The following ARHGEF4 variants were observed in gnomAD, a reference collection of about 807,000 sequenced individuals.
ARHGEF4 encodes the protein Rho guanine nucleotide exchange factor 4.
In ARHGEF4, 119 loss-of-function variants were observed where a neutral mutation model predicts 162.0. The ratio of observed to expected loss-of-function variants is 0.73; its 90% CI spans 0.63 to 0.86. The LOEUF is 0.86. Among genes scored for constraint, ARHGEF4 ranks in the 40% least tolerant of loss-of-function variants. The pLI is 0.00. For missense variants in ARHGEF4, 2,488 were observed against 2,456.0 expected (o/e 1.01, Z -0.28); for synonymous variants, 1,014 against 979.9 (o/e 1.03, Z -0.65).
rs1689432699 is a variant in ARHGEF4 at position 131,025,681 on chromosome 2, C to T, written c.3986-2264C>T. ...GACATTACGACATTAACAAATAAGT[C>T]ATGGCTCCTGCCTTCAAGGAGCTCA... On this transcript the variant is annotated intron_variant, in intron 4 of 13. Transcript: ENST00000409359. Among the ~76,000 whole-genome samples, 4 of 152,218 alleles carry T rather than the reference C, an allele frequency of 2.6e-5. No individual in the cohort carries two copies. In the South Asian group the frequency reaches 8.3e-4, roughly 32 times the overall value.
intron 4 of ARHGEF4, among the ~76,000 whole-genome samples, chr2:130,979,752 A>AAC (rs1222326014): frequency 4.0e-5 from 6 of 150,282 alleles, no homozygotes; most frequent in Non-Finnish European, 5.9e-5. Context: ...AAAAAAAAAA[A>AAC]AAAACCTGAA....
In ARHGEF4 at chr2:131,044,434, G is replaced by A. The variant is rs373013920; in HGVS notation, c.5293G>A (p.Ala1765Thr). The A allele has an allele frequency of 2.5e-5, 39 of 1,563,420 alleles. No homozygotes were observed. The highest frequency in any genetic ancestry group is 7.6e-5 in the Admixed American group (4 of 52,812). The change falls in exon 12 of 14, where the codon GCC becomes ACC. Residue 1765 changes from alanine (A) to threonine (T), a missense_variant. Ala to Thr is a moderately conservative substitution (Grantham distance 58). Transcript: ENST00000409359. ...IKNAFRLHRG[A>T]TGDSHLLCTR... ...GAACGCCTTCCGGCTGCACCGTGGC[G>A]CCACAGGGGACAGCCACCTGCTGTG...
chr2:130,920,258 G>A (rs764945487), intron 2 of ARHGEF4, among the ~76,000 whole-genome samples: 6 of 152,152 alleles, frequency 3.9e-5, no homozygotes, highest in African/African-American at 1.2e-4. Context: ...CCAGGCATGC[G>A]CCACCACACC....
intron 2 of ARHGEF4, among the ~76,000 whole-genome samples, chr2:130,923,978 T>A (rs1234439816): frequency 6.6e-6 from 1 of 151,718 alleles, no homozygotes; most frequent in Non-Finnish European, 1.5e-5. Context: ...CCTCCCGGGT[T>A]CATGCCATTC....
intron 1 of ARHGEF4, among the ~76,000 whole-genome samples, chr2:130,896,059 A>G (rs1349326114): frequency 6.6e-6 from 1 of 152,084 alleles, no homozygotes; most frequent in Non-Finnish European, 1.5e-5. Flanking sequence ...TTATTTATTT[A>G]GGTATTTTGT....
At chr2:130,923,138 T>C (rs1248606905) in intron 2 of ARHGEF4, among the ~76,000 whole-genome samples, 1 of 152,100 alleles carries the variant, frequency 6.6e-6, no homozygotes, top group African/African-American at 2.4e-5. Flanking sequence ...CCATATTGGC[T>C]AGGGTGGTCT....
chr2:130,914,348 C>T lies in ARHGEF4; in HGVS notation c.402C>T (p.Ser134=), dbSNP rs1681366036. Residue 134 remains serine (S), a synonymous_variant, in exon 2 of 14, where the codon TCC becomes TCT. Transcript: ENST00000409359. ...GLHAKEELDL[S]PSLEDDSCKN... Reference sequence around the variant, plus strand: ...ATGCAAAGGAAGAACTCGATTTGTCCCCTAGCTTAGAGGATGACTCTTGCA... The same window carrying T: ...ATGCAAAGGAAGAACTCGATTTGTCTCCTAGCTTAGAGGATGACTCTTGCA... 4.8e-6 allele frequency: 7 copies of T among 1,462,578 alleles called. No individual in the cohort carries two copies. The highest frequency in any genetic ancestry group is 5.4e-6 in the Non-Finnish European group (6 of 1,112,528). The allele number at this position is 1,462,578 out of a possible 1,614,324, so 90.6% of individuals were successfully genotyped here. A position where few individuals can be genotyped will look rare whatever the true frequency, so the allele number is the denominator to read the frequency against.
intron 2 of ARHGEF4, among the ~76,000 whole-genome samples, chr2:130,929,053 C>T (rs1367000133): frequency 1.3e-5 from 2 of 152,164 alleles, no homozygotes; most frequent in Non-Finnish European, 2.9e-5. Context: ...TATGGTCTAT[C>T]TGTTGCTGCA....
At chr2:130,849,881 A>G (rs1345443386) in intron 1 of ARHGEF4, among the ~76,000 whole-genome samples, 2 of 152,198 alleles carry the variant, frequency 1.3e-5, no homozygotes, top group Admixed American at 6.5e-5. Flanking sequence ...ACACTTTTTA[A>G]AAAACGGTAT....
chr2:130,904,073 T>C (rs72992461), intron 1 of ARHGEF4, among the ~76,000 whole-genome samples: 1,655 of 152,336 alleles, frequency 0.011, 32 homozygotes, highest in African/African-American at 0.038. Context: ...GTTCTATTTT[T>C]AGTTGTTTGA....
intron 4 of ARHGEF4, among the ~76,000 whole-genome samples, chr2:130,997,020 A>G (rs1687434073): frequency 1.3e-5 from 2 of 152,352 alleles, no homozygotes. Flanking sequence ...GCTAACTGCC[A>G]TCTTATCTTT....
intron 1 of ARHGEF4, among the ~76,000 whole-genome samples, chr2:130,873,117 G>A (rs528407127): frequency 2.6e-5 from 4 of 152,306 alleles, no homozygotes; most frequent in Admixed American, 2.0e-4. Context: ...CAAAGTGCCC[G>A]GATTCAAACC....
chr2:131,043,768 C>T (rs976795116), intron 11 of ARHGEF4, 185 bp downstream of exon 11: 4 of 742,240 alleles, frequency 5.4e-6, no homozygotes, highest in African/African-American at 1.8e-5. Flanking sequence ...GAGCAGCAGG[C>T]GGCTTTCACA....
At position 131,026,783 on chromosome 2, in the gene ARHGEF4, G is replaced by A. The variant is rs151002215; in HGVS notation, c.3986-1162G>A. ...ATGTGGAGGGATGGAACATTCTTGC[G>A]CCGCTTTCAGGTTCTGGGAAACTAT... On this transcript the variant is annotated intron_variant, in intron 4 of 13. Coordinates refer to ENST00000409359, the MANE Select transcript of ARHGEF4 (RefSeq NM_001367493.1). Among the ~76,000 whole-genome samples the A allele has an allele frequency of 2.0e-4, 31 of 152,244 alleles. No individual in the cohort carries two copies. In the East Asian group the frequency reaches 2.7e-3, roughly 13 times the overall value.
At chr2:130,977,192 G>A (rs1235911560) in intron 4 of ARHGEF4, among the ~76,000 whole-genome samples, 3 of 151,628 alleles carry the variant, frequency 2.0e-5, no homozygotes, top group African/African-American at 7.3e-5. Context: ...TGTGTTTGTG[G>A]TGTGATATGG....
At position 131,038,930 on chromosome 2, in the gene ARHGEF4, C is replaced by G; in HGVS notation, c.4203C>G (p.Phe1401Leu). The G allele has an allele frequency of 6.2e-7, 1 of 1,613,668 alleles. No individual in the cohort carries two copies. Among genetic ancestry groups the G allele is most frequent in the Non-Finnish European group, 8.5e-7 (1 of 1,179,976 alleles). ...CCATGGACGACCAGGAGCTGGGCTT[C>G]AAAGCTGGGGACGTCATCGAAGTGA... is the stretch of plus-strand genomic sequence containing the variant. ...HVTMDDQELG[F>L]KAGDVIEVMD... Residue 1401 changes from phenylalanine (F) to leucine (L), a missense_variant, in exon 6 of 14, where the codon TTC becomes TTG. Phe to Leu is a conservative substitution (Grantham distance 22). Around this residue, in one of 6 missense-constraint regions of ARHGEF4, gnomAD observed 174 missense variants for 148.3 expected, o/e 1.17. Coordinates refer to ENST00000409359, the MANE Select transcript of ARHGEF4 (RefSeq NM_001367493.1).
Position 131,028,510 on chromosome 2 carries a change from A to G in ARHGEF4, c.4125+426A>G, listed in dbSNP as rs1689627563. 2.0e-5 allele frequency among the ~76,000 whole-genome samples: 3 copies of G among 152,216 alleles called. No individual in the cohort carries two copies. The South Asian group carries it at 6.2e-4, about 31-fold the overall frequency. On this transcript the variant is annotated intron_variant, in intron 5 of 13. Transcript: ENST00000409359. Reference sequence around the variant, plus strand: ...GGAAAAACCATTTTCTCTCCTGACAACAGGAGTTCAGAAGTATTGCTGTTG... The same window carrying G: ...GGAAAAACCATTTTCTCTCCTGACAGCAGGAGTTCAGAAGTATTGCTGTTG...
chr2:130,969,032 C>G (rs999462074), intron 4 of ARHGEF4, among the ~76,000 whole-genome samples: 6 of 152,158 alleles, frequency 3.9e-5, no homozygotes, highest in African/African-American at 1.4e-4. Flanking sequence ...TGCCTGCTCT[C>G]CCCTCTTAGA....
At chr2:130,890,741 G>C (rs961945560) in intron 1 of ARHGEF4, among the ~76,000 whole-genome samples, 2 of 151,998 alleles carry the variant, frequency 1.3e-5, no homozygotes, top group Non-Finnish European at 1.5e-5. Context: ...TAATTTTTAG[G>C]AGTTCTGTCT....
Sources: allele counts gnomAD v4.1 joint callset (sites outside exome capture counted in the v4.1 genomes callset), GRCh38; gene constraint gnomAD v4.1.1; regional missense constraint gnomAD v4.1.1; transcripts MANE v1.5; gene names NCBI Gene and HGNC (gene_info 2026-07-23, HGNC 2026-07-21).